Variants in CTIF observed in about 807,000 individuals in gnomAD.
CTIF encodes CBP80/20-dependent translation initiation factor.
A neutral mutation model predicts 66.0 loss-of-function variants in CTIF; 21 were observed. That is an observed-to-expected ratio of 0.32 (90% CI 0.23 to 0.46). CTIF has a LOEUF of 0.46. Among genes scored for constraint, CTIF ranks in the 20% least tolerant of loss-of-function variants. CTIF has a pLI of 1.00. For missense variants in CTIF, 739 were observed against 812.7 expected, an observed-to-expected ratio of 0.91 and a Z score of 1.10; for synonymous variants, 345 against 326.4, an observed-to-expected ratio of 1.06 and a Z score of -0.62.
At chr18:48,831,331 C>G (rs1347061597) in intron 10 of CTIF, among the ~76,000 whole-genome samples, 6 of 152,256 alleles carry the variant, frequency 3.9e-5, no homozygotes, top group Non-Finnish European at 7.3e-5. Context: ...GAGATTCAGT[C>G]TGTCCAAAGT....
At chr18:48,716,135 A>T (rs757647634) in intron 7 of CTIF, among the ~76,000 whole-genome samples, 4 of 152,176 alleles carry the variant, frequency 2.6e-5, no homozygotes, top group Admixed American at 6.5e-5. Flanking sequence ...GCAGTGAAGC[A>T]CTGTTCAGTT....
At chr18:48,685,030 A>ATTT (rs35327726) in intron 6 of CTIF, among the ~76,000 whole-genome samples, 8,970 of 133,476 alleles carry the variant, frequency 0.067, 321 homozygotes, top group Middle Eastern at 0.098. Flanking sequence ...GTTTGTTTGT[A>ATTT]TTTTTTTTTT....
chr18:48,797,065 C>T (rs905761665), intron 9 of CTIF, among the ~76,000 whole-genome samples: 1 of 152,212 alleles, frequency 6.6e-6, no homozygotes, highest in Non-Finnish European at 1.5e-5. Context: ...GACTCCAAGG[C>T]CTCCTGTGAT....
chr18:48,740,786 C>T (rs573625972), intron 7 of CTIF, among the ~76,000 whole-genome samples: 79 of 152,232 alleles, frequency 5.2e-4, no homozygotes, highest in Non-Finnish European at 1.1e-3. Context: ...TCTGCCTACC[C>T]GTGGTCAACT....
At chr18:48,715,437 C>G (rs962850681) in intron 7 of CTIF, among the ~76,000 whole-genome samples, 1 of 152,208 alleles carries the variant, frequency 6.6e-6, no homozygotes, top group Non-Finnish European at 1.5e-5. Context: ...CCTCAAAGAG[C>G]AGCATGCCTT....
chr18:48,741,060 G>A (rs1197791524), intron 7 of CTIF, among the ~76,000 whole-genome samples: 1 of 152,224 alleles, frequency 6.6e-6, no homozygotes, highest in Non-Finnish European at 1.5e-5. Context: ...GGTGATGATT[G>A]AATAAGCACA....
At chr18:48,744,734 T>C (rs1256433423) in intron 7 of CTIF, among the ~76,000 whole-genome samples, 2 of 152,240 alleles carry the variant, frequency 1.3e-5, no homozygotes, top group African/African-American at 4.8e-5. Flanking sequence ...TTATTCATAT[T>C]TCTCCAGCGA....
chr18:48,835,239 C>T (rs1279123728), intron 10 of CTIF, among the ~76,000 whole-genome samples: 1 of 152,148 alleles, frequency 6.6e-6, no homozygotes, highest in Non-Finnish European at 1.5e-5. Context: ...TCTTTATTGG[C>T]CATCCTGGCA....
intron 1 of CTIF, among the ~76,000 whole-genome samples, chr18:48,598,237 C>T (rs2090022977): frequency 1.3e-5 from 2 of 152,176 alleles, no homozygotes; most frequent in African/African-American, 4.8e-5. Flanking sequence ...ACAGGCATCC[C>T]CTGAACCATA....
chr18:48,668,261 A>T (rs2091468040), intron 5 of CTIF, among the ~76,000 whole-genome samples: 1 of 152,200 alleles, frequency 6.6e-6, no homozygotes, highest in Non-Finnish European at 1.5e-5. Flanking sequence ...TGCATGCGAG[A>T]GAGTCCTGAG....
At chr18:48,667,227 G>A (rs1568118680) in intron 5 of CTIF, among the ~76,000 whole-genome samples, 3 of 152,064 alleles carry the variant, frequency 2.0e-5, no homozygotes, top group Admixed American at 6.5e-5. Flanking sequence ...TAGACTATGC[G>A]GTGTAGACAT....
chr18:48,703,820 GCCAGGAATAC>G (rs2092116129), intron 6 of CTIF, among the ~76,000 whole-genome samples: 1 of 152,174 alleles, frequency 6.6e-6, no homozygotes, highest in Admixed American at 6.5e-5. Context: ...GGGCTTGGTG[GCCAGGAATAC>G]CCCTTTCTGG....
At chr18:48,778,448 C>T (rs1429246495) in intron 9 of CTIF, among the ~76,000 whole-genome samples, 1 of 152,212 alleles carries the variant, frequency 6.6e-6, no homozygotes, top group South Asian at 2.1e-4. Flanking sequence ...CACAGGCATT[C>T]CCTTTTGGTA....
intron 6 of CTIF, among the ~76,000 whole-genome samples, chr18:48,698,104 TAAAAAAAAAAAAAAAAAAAA>T (rs527429582): frequency 6.7e-3 from 88 of 13,068 alleles, no homozygotes; most frequent in Admixed American, 0.014. Flanking sequence ...TAGCCATCAT[TAAAAAAAAAAAAAAAAAAAA>T]AAAAAAAAAA....
intron 3 of CTIF, among the ~76,000 whole-genome samples, chr18:48,637,240 C>G (rs1458034701): frequency 6.6e-6 from 1 of 152,174 alleles, no homozygotes; most frequent in East Asian, 1.9e-4. Flanking sequence ...CTCCCTGCTG[C>G]TTGCGGTGAG....
At chr18:48,544,174 G>A (rs1259639633) in intron 1 of CTIF, among the ~76,000 whole-genome samples, 1 of 152,184 alleles carries the variant, frequency 6.6e-6, no homozygotes, top group African/African-American at 2.4e-5. Context: ...CAGAAAGGTT[G>A]GATAGTGGTT....
intron 10 of CTIF, among the ~76,000 whole-genome samples, chr18:48,837,003 GA>G (rs1316714193): frequency 1.3e-5 from 2 of 152,242 alleles, no homozygotes; most frequent in African/African-American, 4.8e-5. Context: ...GGAAGGGCAG[GA>G]AACTGAGGCA....
At chr18:48,630,600 T>A (rs1346944612) in intron 2 of CTIF, among the ~76,000 whole-genome samples, 1 of 152,076 alleles carries the variant, frequency 6.6e-6, no homozygotes, top group Admixed American at 6.5e-5. Context: ...GTGGGTGCAG[T>A]TTTATCAGTT....
chr18:48,736,837 C>T (rs941442023), intron 7 of CTIF, among the ~76,000 whole-genome samples: 4 of 152,156 alleles, frequency 2.6e-5, no homozygotes, highest in Admixed American at 1.3e-4. Flanking sequence ...GGCACGGGGG[C>T]ATGGCCTCTT....
Sources: allele counts gnomAD v4.1 joint callset (sites outside exome capture counted in the v4.1 genomes callset), GRCh38; gene constraint gnomAD v4.1.1; transcripts MANE v1.5; gene names NCBI Gene and HGNC (gene_info 2026-07-23, HGNC 2026-07-21).